Variants in MYO1B observed in about 807,000 individuals in gnomAD.
MYO1B encodes the protein unconventional myosin-Ib.
Under a neutral mutation model 159.7 loss-of-function variants are expected in MYO1B, and 72 were observed. The observed-to-expected ratio is 0.45, with a 90% CI of 0.37 to 0.55. The LOEUF (loss-of-function observed/expected upper bound fraction) is 0.55. Ranked by LOEUF, MYO1B falls within the 20% of genes least tolerant of loss-of-function variation. The probability of loss-of-function intolerance (pLI) is 0.00; values close to 1 mark genes in which losing one functional copy is unlikely to be tolerated. For missense variants in MYO1B, 1,062 were observed against 1,364.8 expected (o/e 0.78, Z 3.50); for synonymous variants, 468 against 473.8 (o/e 0.99, Z 0.16).
intron 1 of MYO1B, among the ~76,000 whole-genome samples, chr2:191,273,614 T>A (rs1687587272): frequency 6.6e-6 from 1 of 152,188 alleles, no homozygotes; most frequent in South Asian, 2.1e-4. Flanking sequence ...GTGTCCAGCC[T>A]TGAATCAGTT....
chr2:191,279,382 TTGTA>T (rs1426145310), intron 2 of MYO1B, among the ~76,000 whole-genome samples: 3 of 152,146 alleles, frequency 2.0e-5, no homozygotes, highest in African/African-American at 4.8e-5. Flanking sequence ...TTGTATATAT[TTGTA>T]TGTACAGAGA....
At chr2:191,326,778 G>A (rs973850957) in intron 3 of MYO1B, among the ~76,000 whole-genome samples, 195 of 122,280 alleles carry the variant, frequency 1.6e-3, no homozygotes, top group African/African-American at 7.1e-3. Flanking sequence ...ATATGTGTGT[G>A]TGTGTGTGTG....
chr2:191,249,221 TAAG>T (rs1431241686), intron 1 of MYO1B, among the ~76,000 whole-genome samples: 1 of 152,198 alleles, frequency 6.6e-6, no homozygotes, highest in East Asian at 1.9e-4. Flanking sequence ...AGTGTCTTTT[TAAG>T]AAGAGAAATA....
At chr2:191,421,394 T>C (rs576594107) in intron 30 of MYO1B, among the ~76,000 whole-genome samples, 44 of 152,032 alleles carry the variant, frequency 2.9e-4, no homozygotes, top group African/African-American at 1.0e-3. Context: ...TAATCAGGAA[T>C]TATAGACATG....
intron 3 of MYO1B, 23 bp from the exon 4 acceptor site, chr2:191,329,912 T>A: frequency 6.3e-7 from 1 of 1,594,428 alleles, no homozygotes; most frequent in Non-Finnish European, 8.6e-7. Context: ...GTCTAAGGAA[T>A]TTTTTTCCAT....
chr2:191,378,560 A>G (rs1197730761), intron 13 of MYO1B, among the ~76,000 whole-genome samples: 2 of 151,952 alleles, frequency 1.3e-5, no homozygotes, highest in Non-Finnish European at 2.9e-5. Flanking sequence ...AGTTAAGGCT[A>G]TTTTCACTTT....
intron 2 of MYO1B, among the ~76,000 whole-genome samples, chr2:191,295,213 G>A (rs1163439397): frequency 6.6e-6 from 1 of 152,054 alleles, no homozygotes; most frequent in African/African-American, 2.4e-5. Flanking sequence ...GGGGAAAATG[G>A]AGCTGCCAAG....
chr2:191,286,757 A>T (rs1316686819), intron 2 of MYO1B, among the ~76,000 whole-genome samples: 2 of 151,990 alleles, frequency 1.3e-5, no homozygotes, highest in Non-Finnish European at 2.9e-5. Flanking sequence ...ACATGATGAA[A>T]CCCCGTCTCT....
chr2:191,312,946 T>G (rs1574404676), intron 3 of MYO1B, among the ~76,000 whole-genome samples: 1 of 152,138 alleles, frequency 6.6e-6, no homozygotes, highest in Admixed American at 6.5e-5. Context: ...AAATGAAACT[T>G]GAGTTTATAG....
intron 3 of MYO1B, among the ~76,000 whole-genome samples, chr2:191,320,421 C>G (rs949092135): frequency 6.6e-6 from 1 of 152,064 alleles, no homozygotes; most frequent in African/African-American, 2.4e-5. Flanking sequence ...AAGGAAGACT[C>G]TTATTATTCT....
rs1161666733 is a variant in MYO1B, at chr2:191,338,034, C to G, written c.347-3427C>G. 2.6e-5 allele frequency among the ~76,000 whole-genome samples: 4 copies of G among 151,988 alleles called. No individual in the cohort carries two copies. In the East Asian group the frequency reaches 7.7e-4, roughly 29 times the overall value. On this transcript the variant is annotated intron_variant, in intron 4 of 30. Coordinates refer to ENST00000392318, the MANE Select transcript of MYO1B (RefSeq NM_001130158.3). ...GTGGTGAAATATTATGAAAACAGTTCCTTAAAGTATGTTGGACCTTGTAAT... is the reference window on the plus strand; with the variant it reads ...GTGGTGAAATATTATGAAAACAGTTGCTTAAAGTATGTTGGACCTTGTAAT...
chr2:191,284,893 G>T (rs183535963), intron 2 of MYO1B, among the ~76,000 whole-genome samples: 153 of 152,166 alleles, frequency 1.0e-3, no homozygotes, highest in Non-Finnish European at 1.8e-3. Flanking sequence ...CTCGGCCTCC[G>T]AAAGTGCTGG....
intron 6 of MYO1B, among the ~76,000 whole-genome samples, chr2:191,347,973 C>T (rs1692673749): frequency 6.6e-6 from 1 of 152,168 alleles, no homozygotes; most frequent in African/African-American, 2.4e-5. Context: ...GCTTGCTCAT[C>T]GTAGCTCACA....
chr2:191,413,214 G>GT (rs1355582150), intron 27 of MYO1B, among the ~76,000 whole-genome samples: 2 of 152,156 alleles, frequency 1.3e-5, no homozygotes, highest in African/African-American at 4.8e-5. Flanking sequence ...AATATCATAA[G>GT]TTGAAAATGC....
chr2:191,424,206 C>T lies in MYO1B; in HGVS notation c.*246C>T, dbSNP rs1574670353. 1 of 458,446 alleles carries T rather than the reference C, an allele frequency of 2.2e-6. No individual in the cohort carries two copies. Among genetic ancestry groups the T allele is most frequent in the African/African-American group, 1.9e-5 (1 of 51,378 alleles). The allele number at this position is 458,446 out of a possible 1,614,324, so 28.4% of individuals were successfully genotyped here. On this transcript the variant is annotated 3_prime_UTR_variant, in exon 31 of 31. Transcript: ENST00000392318. ...CTATTTTCATGTCTGATGTGTTCTT[C>T]CTTTAGTCATCATGTTAGGTCTGTG... is the stretch of plus-strand genomic sequence containing the variant.
intron 3 of MYO1B, among the ~76,000 whole-genome samples, chr2:191,305,718 C>T (rs982287939): frequency 6.6e-6 from 1 of 152,106 alleles, no homozygotes; most frequent in African/African-American, 2.4e-5. Flanking sequence ...CTGGTGATTC[C>T]TTTTGTAGCA....
intron 3 of MYO1B, among the ~76,000 whole-genome samples, chr2:191,308,546 A>G (rs1191285691): frequency 2.0e-5 from 3 of 152,210 alleles, no homozygotes; most frequent in Non-Finnish European, 2.9e-5. Context: ...CTACTGCCTT[A>G]TCTTTTTTCT....
At chr2:191,297,247 C>T (rs951460533) in intron 3 of MYO1B, among the ~76,000 whole-genome samples, 2 of 152,190 alleles carry the variant, frequency 1.3e-5, no homozygotes, top group African/African-American at 4.8e-5. Context: ...TTTCCTGCCT[C>T]CTCTCCTGTG....
chr2:191,324,343 T>G (rs765116632), intron 3 of MYO1B, among the ~76,000 whole-genome samples: 6 of 152,154 alleles, frequency 3.9e-5, no homozygotes, highest in Non-Finnish European at 7.4e-5. Context: ...ATTCTTGGCT[T>G]CTTTTGGATT....
Sources: allele counts gnomAD v4.1 joint callset (sites outside exome capture counted in the v4.1 genomes callset), GRCh38; gene constraint gnomAD v4.1.1; transcripts MANE v1.5; gene names NCBI Gene and HGNC (gene_info 2026-07-23, HGNC 2026-07-21).